The following RANBP2 variants were observed in gnomAD, a reference collection of about 807,000 sequenced individuals.
RANBP2 encodes the protein RAN binding protein 2, also known as E3 SUMO-protein ligase RanBP2.
A neutral mutation model predicts 303.6 loss-of-function variants in RANBP2; 57 were observed. The ratio of observed to expected loss-of-function variants is 0.19; its 90% confidence interval spans 0.15 to 0.23. The LOEUF (loss-of-function observed/expected upper bound fraction) is 0.23. Ranked by LOEUF, RANBP2 falls within the 10% of genes least tolerant of loss-of-function variation. The pLI is 1.00. For synonymous variants in RANBP2, 1,167 were observed against 1,301.5 expected (o/e 0.90, Z 2.23); for missense variants, 3,138 against 3,780.8 (o/e 0.83, Z 4.46).
At chr2:109,247,209 G>C in the RANBP2 span, among the ~76,000 whole-genome samples, 1 of 152,176 alleles carries the variant, frequency 6.6e-6, no homozygotes, top group South Asian at 2.1e-4. Context: ...ACAGAATGAA[G>C]TCACACCCCA....
At chr2:109,400,804 C>T in the RANBP2 span, among the ~76,000 whole-genome samples, 1 of 152,236 alleles carries the variant, frequency 6.6e-6, no homozygotes, top group Admixed American at 6.5e-5. Context: ...AGTCATCTGC[C>T]CCCATGGTTA....
At chr2:109,544,725 T>C in the RANBP2 span, 9 of 842,868 alleles carry the variant, frequency 1.1e-5, no homozygotes, top group Non-Finnish European at 1.3e-5. Flanking sequence ...AATAAATTTA[T>C]AGTTTATCTT....
the RANBP2 span, among the ~76,000 whole-genome samples, chr2:109,539,963 AGAT>A: frequency 6.6e-6 from 1 of 152,152 alleles, no homozygotes; most frequent in East Asian, 1.9e-4. Flanking sequence ...GGGTTTTGGC[AGAT>A]GATGAAGGCT....
At chr2:109,626,504 A>G in the RANBP2 span, among the ~76,000 whole-genome samples, 7 of 150,952 alleles carry the variant, frequency 4.6e-5, no homozygotes, top group Non-Finnish European at 8.9e-5. Flanking sequence ...AAACAAACAA[A>G]TGCCCCTGAG....
chr2:108,748,784 A>G (rs1675598193), intron 8 of RANBP2, 136 bp from the exon 9 acceptor site: 2 of 1,528,494 alleles, frequency 1.3e-6, no homozygotes, highest in Admixed American at 1.8e-5. Context: ...TTTGTTGTCC[A>G]GCTGTATTTT....
At chr2:109,568,948 G>T in the RANBP2 span, among the ~76,000 whole-genome samples, 1 of 152,106 alleles carries the variant, frequency 6.6e-6, no homozygotes, top group Non-Finnish European at 1.5e-5. Context: ...AAGAGATTTG[G>T]GGTTGTGAAG....
chr2:109,589,807 T>C, the RANBP2 span, among the ~76,000 whole-genome samples: 1 of 152,066 alleles, frequency 6.6e-6, no homozygotes, highest in Admixed American at 6.5e-5. Flanking sequence ...TGCATCAATG[T>C]TCACAGCAGT....
At chr2:109,337,443 C>T in the RANBP2 span, among the ~76,000 whole-genome samples, 2 of 152,196 alleles carry the variant, frequency 1.3e-5, no homozygotes, top group Non-Finnish European at 2.9e-5. Context: ...GCCACCCCCT[C>T]GCATATGGCG....
At chr2:108,979,467 T>TCTCACACA in the RANBP2 span, among the ~76,000 whole-genome samples, 58 of 147,224 alleles carry the variant, frequency 3.9e-4, no homozygotes, top group Admixed American at 1.2e-3. Context: ...TCTCTCTCTC[T>TCTCACACA]CACACACACA....
chr2:108,921,934 C>T, the RANBP2 span, among the ~76,000 whole-genome samples: 9 of 152,210 alleles, frequency 5.9e-5, no homozygotes, highest in African/African-American at 1.9e-4. Context: ...AGGCTTTCCT[C>T]GGAGCCGGCT....
At chr2:109,737,464 T>C in the RANBP2 span, 208,826 of 604,768 alleles carry the variant, frequency 0.35, 39,468 homozygotes, top group Middle Eastern at 0.44. Context: ...AAGAGTGAAC[T>C]TCAGAACCTG....
chr2:108,952,032 A>T, the RANBP2 span, among the ~76,000 whole-genome samples: 1,292 of 152,264 alleles, frequency 8.5e-3, 9 homozygotes, highest in South Asian at 0.029. Context: ...AGCATGTTTT[A>T]TTTTTCTCTT....
the RANBP2 span, among the ~76,000 whole-genome samples, chr2:109,072,550 T>C: frequency 2.6e-5 from 4 of 152,036 alleles, no homozygotes; most frequent in East Asian, 5.8e-4. Context: ...TACCAGAGGG[T>C]CTGGCCTCTA....
the RANBP2 span, among the ~76,000 whole-genome samples, chr2:108,815,027 A>G: frequency 6.6e-6 from 1 of 152,216 alleles, no homozygotes; most frequent in Admixed American, 6.5e-5. Context: ...GAATTAAATT[A>G]GAAATGTGTT....
the RANBP2 span, among the ~76,000 whole-genome samples, chr2:109,466,123 A>G: frequency 8.7e-6 from 1 of 115,418 alleles, no homozygotes. Flanking sequence ...TCCGTCGCCC[A>G]GGCTGGAGTG....
intron 7 of RANBP2, among the ~76,000 whole-genome samples, chr2:108,746,084 C>A (rs1473135211): frequency 1.3e-5 from 2 of 150,884 alleles, no homozygotes; most frequent in Non-Finnish European, 2.9e-5. Context: ...TTAAAAAAAA[C>A]ATTTTTTAGA....
chr2:109,498,690 T>G, the RANBP2 span, among the ~76,000 whole-genome samples: 1 of 152,232 alleles, frequency 6.6e-6, no homozygotes, highest in African/African-American at 2.4e-5. Flanking sequence ...CCCAGGGAAC[T>G]GTGGGGGGTC....
At chr2:108,953,854 G>A in the RANBP2 span, among the ~76,000 whole-genome samples, 1 of 152,248 alleles carries the variant, frequency 6.6e-6, no homozygotes, top group South Asian at 2.1e-4. Flanking sequence ...GTGTGCCCAA[G>A]GGTCAAGTGA....
the RANBP2 span, among the ~76,000 whole-genome samples, chr2:109,229,481 G>A: frequency 6.6e-6 from 1 of 152,126 alleles, no homozygotes; most frequent in Non-Finnish European, 1.5e-5. Context: ...TCTCAGACTG[G>A]TCCTGGGGTG....
Sources: gnomAD v4.1 joint callset for allele counts (sites outside exome capture counted in the v4.1 genomes callset) on GRCh38, gnomAD v4.1.1 for gene constraint, MANE v1.5 for transcripts, NCBI Gene and HGNC (gene_info 2026-07-23, HGNC 2026-07-21) for gene names.